The following PXDNL variants were observed in gnomAD, a reference collection of about 807,000 sequenced individuals.
PXDNL encodes peroxidasin like.
A neutral mutation model predicts 150.8 loss-of-function variants in PXDNL; 145 were observed. The ratio of observed to expected loss-of-function variants is 0.96; its 90% CI spans 0.84 to 1.10. The LOEUF is 1.10. PXDNL is among the 50% of genes least tolerant of loss of function. The pLI, the probability that PXDNL is intolerant of heterozygous loss-of-function variation, is 0.00. For synonymous variants in PXDNL, 757 were observed against 725.7 expected (o/e 1.04, Z -0.69); for missense variants, 2,087 against 1,873.9 (o/e 1.11, Z -2.10).
chr8:51,714,955 A>G (rs1004988563), intron 1 of PXDNL, among the ~76,000 whole-genome samples: 2 of 152,236 alleles, frequency 1.3e-5, no homozygotes, highest in African/African-American at 2.4e-5. Context: ...TCCAACTTCT[A>G]CAGTTGCCAA....
chr8:51,744,449 C>G (rs1397373849), intron 1 of PXDNL, among the ~76,000 whole-genome samples: 1 of 149,418 alleles, frequency 6.7e-6, no homozygotes, highest in Non-Finnish European at 1.5e-5. Context: ...GGATAGATCA[C>G]GAGGTCAGGA....
intron 21 of PXDNL, among the ~76,000 whole-genome samples, chr8:51,323,801 A>T (rs138325852): frequency 0.082 from 12,528 of 152,008 alleles, 873 homozygotes; most frequent in East Asian, 0.19. Flanking sequence ...CTGTAATCCC[A>T]GCTACTCGGG....
intron 2 of PXDNL, among the ~76,000 whole-genome samples, chr8:51,606,238 A>G (rs553549860): frequency 5.3e-5 from 8 of 152,318 alleles, no homozygotes; most frequent in Admixed American, 5.2e-4. Flanking sequence ...AGACATAAAG[A>G]GATCTCAAAA....
intron 4 of PXDNL, among the ~76,000 whole-genome samples, chr8:51,520,133 C>G (rs1811630015): frequency 6.6e-6 from 1 of 152,124 alleles, no homozygotes. Flanking sequence ...GAGCTTCCCT[C>G]CCACGCGGCA....
intron 1 of PXDNL, among the ~76,000 whole-genome samples, chr8:51,758,460 G>C (rs985539821): frequency 6.6e-6 from 1 of 152,184 alleles, no homozygotes; most frequent in African/African-American, 2.4e-5. Context: ...GCTGAGGGAA[G>C]GGATTTGACA....
At chr8:51,796,489 G>A (rs1361623270) in intron 1 of PXDNL, among the ~76,000 whole-genome samples, 1 of 151,932 alleles carries the variant, frequency 6.6e-6, no homozygotes, top group Non-Finnish European at 1.5e-5. Context: ...TGACAAAGGG[G>A]TTATCACCAC....
chr8:51,640,936 G>A (rs181495343), intron 2 of PXDNL, among the ~76,000 whole-genome samples: 7 of 151,980 alleles, frequency 4.6e-5, no homozygotes, highest in Admixed American at 2.6e-4. Flanking sequence ...GAGGCATCAC[G>A]CTACCTGACT....
At chr8:51,552,406 A>G (rs2130526534) in intron 4 of PXDNL, among the ~76,000 whole-genome samples, 1 of 152,346 alleles carries the variant, frequency 6.6e-6, no homozygotes, top group East Asian at 1.9e-4. Context: ...ACAATTTGCA[A>G]TTGCAAAAAT....
chr8:51,335,376 A>C (rs1805803731), intron 21 of PXDNL, among the ~76,000 whole-genome samples: 1 of 152,062 alleles, frequency 6.6e-6, no homozygotes. Context: ...CGCCGATACT[A>C]TCCTAAGTGC....
chr8:51,727,161 A>G (rs1316131263), intron 1 of PXDNL, among the ~76,000 whole-genome samples: 2 of 152,244 alleles, frequency 1.3e-5, no homozygotes, highest in East Asian at 1.9e-4. Context: ...AGTATTTATA[A>G]TAAGTGCAGA....
At chr8:51,734,267 C>A (rs1816990364) in intron 1 of PXDNL, among the ~76,000 whole-genome samples, 1 of 152,194 alleles carries the variant, frequency 6.6e-6, no homozygotes, top group South Asian at 2.1e-4. Flanking sequence ...TTCAAACAAA[C>A]TAGTTTTTAA....
In PXDNL at chr8:51,409,544, A is replaced by G. The variant is rs1163288665; in HGVS notation, c.2080T>C (p.Leu694=). Residue 694 remains leucine, a synonymous_variant, in exon 17 of 23, where the codon TTG becomes CTG. Coordinates refer to ENST00000356297, the MANE Select transcript of PXDNL (RefSeq NM_144651.5). ...AGGCTGAGGGAGCGCGGGGACACCA[A>G]GTCATTGTACCGGAATTCTGAAAGG... ...LEGKEFRYND[L]VSPRSLSLIA... is the part of the protein sequence containing the mutation. 1 of 1,587,954 alleles carries G rather than the reference A, an allele frequency of 6.3e-7. No individual in the cohort carries two copies. The highest frequency in any genetic ancestry group is 8.6e-7 in the Non-Finnish European group (1 of 1,165,838).
intron 1 of PXDNL, among the ~76,000 whole-genome samples, chr8:51,754,464 C>T (rs1289663437): frequency 1.3e-5 from 2 of 152,054 alleles, no homozygotes; most frequent in African/African-American, 4.8e-5. Flanking sequence ...AAAAAGGCTT[C>T]CCTGAGAATG....
intron 1 of PXDNL, among the ~76,000 whole-genome samples, chr8:51,720,754 A>T (rs1816712693): frequency 1.3e-5 from 2 of 152,246 alleles, no homozygotes; most frequent in African/African-American, 4.8e-5. Flanking sequence ...CCTTTACAGC[A>T]GAATAAAGAG....
At chr8:51,756,551 A>G (rs2037104108) in intron 1 of PXDNL, among the ~76,000 whole-genome samples, 1 of 152,172 alleles carries the variant, frequency 6.6e-6, no homozygotes, top group Non-Finnish European at 1.5e-5. Flanking sequence ...AGAAAATAGT[A>G]TCTATATACA....
chr8:51,377,145 A>ACACACAC (rs1358819431), intron 17 of PXDNL, among the ~76,000 whole-genome samples: 2 of 57,876 alleles, frequency 3.5e-5, no homozygotes, highest in Non-Finnish European at 5.1e-5. Flanking sequence ...CACACACACA[A>ACACACAC]AGCCAAAGCC....
intron 1 of PXDNL, among the ~76,000 whole-genome samples, chr8:51,754,092 GTA>G: frequency 6.6e-6 from 1 of 152,278 alleles, no homozygotes; most frequent in East Asian, 1.9e-4. Flanking sequence ...CTCAGAAAAT[GTA>G]CAGTGTTTGC....
chr8:51,561,424 C>A (rs1203161645), intron 3 of PXDNL, among the ~76,000 whole-genome samples: 1 of 151,852 alleles, frequency 6.6e-6, no homozygotes, highest in Non-Finnish European at 1.5e-5. Context: ...TCAGCCTTAG[C>A]ATTTCAGGAA....
chr8:51,639,095 A>G (rs369653152), intron 2 of PXDNL, among the ~76,000 whole-genome samples: 1,764 of 152,348 alleles, frequency 0.012, 32 homozygotes, highest in African/African-American at 0.031. Flanking sequence ...CTGCTCCTGA[A>G]TGACTACTGG....
Sources: gnomAD v4.1 joint callset for allele counts (sites outside exome capture counted in the v4.1 genomes callset) on GRCh38, gnomAD v4.1.1 for gene constraint, MANE v1.5 for transcripts, NCBI Gene and HGNC (gene_info 2026-07-23, HGNC 2026-07-21) for gene names.